The following PPARGC1A variants were observed in gnomAD, a reference collection of about 807,000 sequenced individuals.
PPARGC1A encodes the protein peroxisome proliferator-activated receptor gamma coactivator 1-alpha.
PPARGC1A carries 25 observed loss-of-function variants against 88.7 expected under a neutral mutation model. The ratio of observed to expected loss-of-function variants is 0.28; its 90% CI spans 0.21 to 0.39. The LOEUF is 0.39. Among genes scored for constraint, PPARGC1A ranks in the 10% least tolerant of loss-of-function variants. PPARGC1A has a pLI of 1.00. For synonymous variants in PPARGC1A, 363 were observed against 355.6 expected, an observed-to-expected ratio of 1.02 and a Z score of -0.24; for missense variants, 880 against 968.7, an observed-to-expected ratio of 0.91 and a Z score of 1.22.
intron 6 of PPARGC1A, 22 bp downstream of exon 6, chr4:23,824,441 G>C: frequency 1.2e-6 from 2 of 1,607,620 alleles, no homozygotes; most frequent in Non-Finnish European, 1.7e-6. Flanking sequence ...TTCAGAAAAT[G>C]GTTACATTTC....
At chr4:24,149,981 T>C in the PPARGC1A span, among the ~76,000 whole-genome samples, 55,995 of 152,024 alleles carry the variant, frequency 0.37, 12,882 homozygotes, top group African/African-American at 0.65. Flanking sequence ...GTGCCCCCAA[T>C]TTTTAGGACA....
chr4:24,070,521 G>T, the PPARGC1A span, among the ~76,000 whole-genome samples: 1 of 152,052 alleles, frequency 6.6e-6, no homozygotes, highest in South Asian at 2.1e-4. Flanking sequence ...AAGACTGCTG[G>T]CCTACGAAAA....
chr4:23,868,439 C>G (rs1161386192), intron 2 of PPARGC1A, among the ~76,000 whole-genome samples: 1 of 152,150 alleles, frequency 6.6e-6, no homozygotes, highest in African/African-American at 2.4e-5. Context: ...GTTATATTCT[C>G]TCTCTCTTTC....
the PPARGC1A span, among the ~76,000 whole-genome samples, chr4:23,982,098 C>T: frequency 6.6e-4 from 100 of 152,272 alleles, no homozygotes; most frequent in African/African-American, 2.3e-3. Flanking sequence ...CACTCCTACC[C>T]ATAAGCAAAA....
chr4:24,229,850 A>AG, the PPARGC1A span, among the ~76,000 whole-genome samples: 1 of 151,706 alleles, frequency 6.6e-6, no homozygotes, highest in Non-Finnish European at 1.5e-5. Flanking sequence ...TCTCAAAAAA[A>AG]AAAAAAAAAA....
intron 2 of PPARGC1A, among the ~76,000 whole-genome samples, chr4:23,834,777 C>T (rs4697046): frequency 0.64 from 96,949 of 151,904 alleles, 30,945 homozygotes; most frequent in Admixed American, 0.7. Context: ...AATCTGGTAT[C>T]CAAAGATTTC....
chr4:24,084,531 C>T, the PPARGC1A span, among the ~76,000 whole-genome samples: 1 of 152,162 alleles, frequency 6.6e-6, no homozygotes, highest in Non-Finnish European at 1.5e-5. Flanking sequence ...GGAAGAATTT[C>T]CTTGGCCTAA....
the PPARGC1A span, among the ~76,000 whole-genome samples, chr4:23,942,599 C>T: frequency 6.6e-6 from 1 of 152,112 alleles, no homozygotes; most frequent in South Asian, 2.1e-4. Flanking sequence ...TCACCATATC[C>T]CATTAAGCAC....
At chr4:24,015,549 T>G in the PPARGC1A span, among the ~76,000 whole-genome samples, 1 of 152,130 alleles carries the variant, frequency 6.6e-6, no homozygotes, top group African/African-American at 2.4e-5. Context: ...GATCTGGCTT[T>G]TATTTCTGAG....
chr4:23,804,056 C>G (rs1476445535), intron 10 of PPARGC1A, among the ~76,000 whole-genome samples: 1 of 152,144 alleles, frequency 6.6e-6, no homozygotes, highest in Non-Finnish European at 1.5e-5. Flanking sequence ...CCACATGTAA[C>G]ATGCTCGCCT....
chr4:24,136,765 G>A, the PPARGC1A span, among the ~76,000 whole-genome samples: 1 of 152,128 alleles, frequency 6.6e-6, no homozygotes, highest in Admixed American at 6.5e-5. Context: ...TTGAAGTCCT[G>A]ACTCCCACTA....
the PPARGC1A span, among the ~76,000 whole-genome samples, chr4:24,442,444 T>C: frequency 6.6e-6 from 1 of 152,212 alleles, no homozygotes; most frequent in Non-Finnish European, 1.5e-5. Context: ...CTTACAAGCA[T>C]GCAAAATGAA....
the PPARGC1A span, among the ~76,000 whole-genome samples, chr4:24,324,650 G>A: frequency 3.3e-5 from 5 of 152,120 alleles, no homozygotes; most frequent in Non-Finnish European, 7.4e-5. Flanking sequence ...GCCGGAAAAT[G>A]GCACTTTCAA....
the PPARGC1A span, among the ~76,000 whole-genome samples, chr4:24,373,228 C>T: frequency 5.3e-5 from 8 of 152,120 alleles, no homozygotes; most frequent in Non-Finnish European, 1.0e-4. Flanking sequence ...TCGGGTCTGG[C>T]GATACTGGGG....
chr4:24,277,913 A>G, the PPARGC1A span, among the ~76,000 whole-genome samples: 1 of 152,022 alleles, frequency 6.6e-6, no homozygotes, highest in South Asian at 2.1e-4. Flanking sequence ...GGTGGCTCAT[A>G]CCCGTAACCC....
the PPARGC1A span, among the ~76,000 whole-genome samples, chr4:24,257,328 A>G: frequency 6.6e-6 from 1 of 152,176 alleles, no homozygotes; most frequent in African/African-American, 2.4e-5. Flanking sequence ...AATAAGCTTC[A>G]ATAAGCAGTC....
the PPARGC1A span, among the ~76,000 whole-genome samples, chr4:24,280,053 C>G: frequency 2.6e-5 from 4 of 152,186 alleles, no homozygotes; most frequent in Admixed American, 2.6e-4. Context: ...CATCCCGCCC[C>G]CTTTCAAATA....
At chr4:24,030,315 A>G in the PPARGC1A span, among the ~76,000 whole-genome samples, 1 of 152,302 alleles carries the variant, frequency 6.6e-6, no homozygotes, top group East Asian at 1.9e-4. Flanking sequence ...CCTATGCTCT[A>G]ACACAAAAAT....
chr4:24,303,320 T>G, the PPARGC1A span, among the ~76,000 whole-genome samples: 2 of 152,210 alleles, frequency 1.3e-5, no homozygotes, highest in Admixed American at 1.3e-4. Flanking sequence ...TAGAGTCTAA[T>G]AAGAAGACAC....
Sources: allele counts gnomAD v4.1 joint callset (sites outside exome capture counted in the v4.1 genomes callset), GRCh38; gene constraint gnomAD v4.1.1; transcripts MANE v1.5; gene names NCBI Gene and HGNC (gene_info 2026-07-23, HGNC 2026-07-21).